Variants in RB1CC1 observed in about 807,000 individuals in gnomAD.
RB1CC1 encodes RB1-inducible coiled-coil protein 1.
Under a neutral mutation model 177.5 loss-of-function variants are expected in RB1CC1, and 46 were observed. The ratio of observed to expected loss-of-function variants is 0.26; its 90% CI spans 0.20 to 0.33. The LOEUF (loss-of-function observed/expected upper bound fraction) is 0.33, where lower values mean the gene tolerates loss of function less well. Among genes scored for constraint, RB1CC1 ranks in the 10% least tolerant of loss-of-function variants. The probability of loss-of-function intolerance (pLI) is 1.00; values close to 1 mark genes in which losing one functional copy is unlikely to be tolerated. For synonymous variants in RB1CC1, 666 were observed against 613.6 expected, an observed-to-expected ratio of 1.09 and a Z score of -1.26; for missense variants, 1,703 against 1,816.3, an observed-to-expected ratio of 0.94 and a Z score of 1.13.
At chr8:52,674,818 G>A (rs1434644191) in intron 6 of RB1CC1, among the ~76,000 whole-genome samples, 1 of 148,706 alleles carries the variant, frequency 6.7e-6, no homozygotes, top group Admixed American at 6.7e-5. Flanking sequence ...TACTAAACAA[G>A]TGAACACTAG....
intron 11 of RB1CC1, 45 bp downstream of exon 11, chr8:52,660,881 T>C (rs777368061): frequency 1.3e-6 from 2 of 1,520,108 alleles, no homozygotes; most frequent in South Asian, 2.4e-5. Flanking sequence ...TTATAAAAAC[T>C]TTTATCCTTT....
intron 3 of RB1CC1, among the ~76,000 whole-genome samples, chr8:52,685,002 CT>C (rs34656821): frequency 0.41 from 53,401 of 129,950 alleles, 10,209 homozygotes; most frequent in Non-Finnish European, 0.5. Context: ...ATTATGTGAC[CT>C]TTTTTTTTTT....
At chr8:52,675,031 T>C (rs1247475295) in intron 6 of RB1CC1, among the ~76,000 whole-genome samples, 1 of 152,172 alleles carries the variant, frequency 6.6e-6, no homozygotes, top group Non-Finnish European at 1.5e-5. Flanking sequence ...GTCAAAAGCA[T>C]AGGGAAAATA....
At chr8:52,694,475 CAGG>C (rs1189161511) in intron 1 of RB1CC1, among the ~76,000 whole-genome samples, 1 of 152,188 alleles carries the variant, frequency 6.6e-6, no homozygotes, top group Non-Finnish European at 1.5e-5. Flanking sequence ...CGGGACGCAG[CAGG>C]AGTTTTCTCT....
chr8:52,713,644 T>C (rs1164411076), intron 1 of RB1CC1, among the ~76,000 whole-genome samples: 1 of 152,246 alleles, frequency 6.6e-6, no homozygotes, highest in Non-Finnish European at 1.5e-5. Context: ...AATTAAGGGC[T>C]GATCCCTGGC....
At chr8:52,712,496 C>CA (rs5891479) in intron 1 of RB1CC1, among the ~76,000 whole-genome samples, 57,702 of 100,314 alleles carry the variant, frequency 0.58, 14,707 homozygotes, top group African/African-American at 0.65. Context: ...CAGCAAGAGC[C>CA]AAAAAAAAAA....
chr8:52,698,254 T>A (rs929130348), intron 1 of RB1CC1, among the ~76,000 whole-genome samples: 2 of 152,016 alleles, frequency 1.3e-5, no homozygotes, highest in African/African-American at 4.8e-5. Flanking sequence ...TTTTTTGTAT[T>A]TTTTTGTAGA....
rs1590923953 is a variant in RB1CC1, at chr8:52,634,771, A to T, written c.4440+150T>A. The T allele has an allele frequency of 3.9e-5, 24 of 616,474 alleles. No individual in the cohort carries two copies. In the East Asian group the frequency reaches 7.5e-4, roughly 19 times the overall value. 38.2% of individuals were successfully genotyped at this position (616,474 alleles called of 1,614,324 possible). On this transcript the variant is annotated intron_variant, in intron 20 of 23. Coordinates refer to ENST00000025008, the MANE Select transcript of RB1CC1 (RefSeq NM_014781.5). ...GCCTGACTTCAGCATTCTGAAAATC[A>T]ATAGGATTCAATGACCAACACGGAC...
chr8:52,663,346 T>G (rs1187710736), intron 8 of RB1CC1, among the ~76,000 whole-genome samples: 1 of 151,222 alleles, frequency 6.6e-6, no homozygotes, highest in Non-Finnish European at 1.5e-5. Flanking sequence ...ATAGGTTTGG[T>G]GAGTGAGGTT....
chr8:52,651,733 T>A (rs1850605430), intron 15 of RB1CC1, among the ~76,000 whole-genome samples: 1 of 152,180 alleles, frequency 6.6e-6, no homozygotes, highest in African/African-American at 2.4e-5. Flanking sequence ...GGGGAGGCTG[T>A]TTTTTCTTAG....
chr8:52,684,412 A>T, intron 3 of RB1CC1, among the ~76,000 whole-genome samples: 1 of 152,232 alleles, frequency 6.6e-6, no homozygotes, highest in East Asian at 1.9e-4. Flanking sequence ...AAAAAAATCC[A>T]TAATTCAATT....
intron 20 of RB1CC1, among the ~76,000 whole-genome samples, chr8:52,630,970 A>C (rs886933356): frequency 6.6e-6 from 1 of 152,196 alleles, no homozygotes; most frequent in African/African-American, 2.4e-5. Flanking sequence ...TCACAATTGC[A>C]AGAGAACACC....
intron 4 of RB1CC1, 61 bp downstream of exon 4, chr8:52,683,826 G>A (rs1477017349): frequency 6.3e-7 from 1 of 1,586,470 alleles, no homozygotes; most frequent in African/African-American, 1.4e-5. Flanking sequence ...TTTGAACACT[G>A]AGTTCCCAAT....
intron 8 of RB1CC1, 146 bp from the exon 9 acceptor site, chr8:52,661,865 T>C: frequency 3.6e-6 from 2 of 556,786 alleles, no homozygotes; most frequent in South Asian, 4.0e-5. Flanking sequence ...TTCTCGAATG[T>C]AGTAGATGCA....
intron 13 of RB1CC1, 88 bp downstream of exon 13, chr8:52,658,785 T>G (rs1432561999): frequency 6.9e-6 from 6 of 870,508 alleles, no homozygotes; most frequent in South Asian, 4.3e-5. Flanking sequence ...TGGCACCTCT[T>G]AAGATTACTG....
chr8:52,708,652 A>AC (rs1305181698), intron 1 of RB1CC1, among the ~76,000 whole-genome samples: 1 of 152,200 alleles, frequency 6.6e-6, no homozygotes, highest in Non-Finnish European at 1.5e-5. Flanking sequence ...TAAGTAGTTA[A>AC]TATAAGGTAG....
At position 52,635,070 on chromosome 8, in the gene RB1CC1, G is replaced by A. The variant is rs1349385596; in HGVS notation, c.4393-102C>T. 16 of 1,092,558 alleles carry A rather than the reference G, an allele frequency of 1.5e-5. No homozygotes were observed. In the East Asian group the frequency reaches 3.1e-4, roughly 21 times the overall value. 67.7% of individuals were successfully genotyped at this position (1,092,558 alleles called of 1,614,324 possible). ...TTCATCAGACAAAAATGTTTGGTTC[G>A]GGTATGAAAAGTTGATGGGGATATT... On this transcript the variant is annotated intron_variant, in intron 19 of 23. Coordinates refer to ENST00000025008, the MANE Select transcript of RB1CC1 (RefSeq NM_014781.5).
At position 52,656,965 on chromosome 8, in the gene RB1CC1, C is replaced by A; in HGVS notation, c.2864G>T (p.Arg955Leu). The A allele has an allele frequency of 6.2e-7, 1 of 1,613,606 alleles. No homozygotes were observed. Among genetic ancestry groups the A allele is most frequent in the Non-Finnish European group, 8.5e-7 (1 of 1,179,928 alleles). The change falls in exon 15 of 24, where the codon CGA becomes CTA. Residue 955 changes from arginine to leucine, a missense_variant. Around this residue, in one of 6 missense-constraint regions of RB1CC1, gnomAD observed 1,169 missense variants for 1,184.7 expected, o/e 0.99. Coordinates refer to ENST00000025008, the MANE Select transcript of RB1CC1 (RefSeq NM_014781.5). ...TTTTAAGTCTTCTAACACTATTTCT[C>A]GTGACTGCTTCAGTTCTTTAATTTC... The part of the protein sequence containing the change: ...NCEIKELKQS[R>L]EIVLEDLKKL...
chr8:52,703,538 G>A (rs1282080259), intron 1 of RB1CC1, among the ~76,000 whole-genome samples: 1 of 152,176 alleles, frequency 6.6e-6, no homozygotes, highest in Non-Finnish European at 1.5e-5. Flanking sequence ...CTCTACTCAT[G>A]TCATTCCACA....
Sources: allele counts gnomAD v4.1 joint callset (sites outside exome capture counted in the v4.1 genomes callset), GRCh38; gene constraint gnomAD v4.1.1; regional missense constraint gnomAD v4.1.1; transcripts MANE v1.5; gene names NCBI Gene and HGNC (gene_info 2026-07-23, HGNC 2026-07-21).